Variants in CHCHD3 observed in about 807,000 individuals in gnomAD.
The protein encoded by CHCHD3 is coiled-coil-helix-coiled-coil-helix domain containing 3.
In CHCHD3, 20 loss-of-function variants were observed where a neutral mutation model predicts 38.2. The ratio of observed to expected loss-of-function variants is 0.52; its 90% CI spans 0.37 to 0.76. The LOEUF is 0.76. CHCHD3 is among the 30% of genes least tolerant of loss of function. The pLI is 0.00. For synonymous variants in CHCHD3, 82 were observed against 100.0 expected (o/e 0.82, Z 1.07); for missense variants, 245 against 279.2 (o/e 0.88, Z 0.87).
chr7:132,985,375 T>TG (rs536416069), intron 3 of CHCHD3, among the ~76,000 whole-genome samples: 3,913 of 59,560 alleles, frequency 0.066, 966 homozygotes, highest in South Asian at 0.11. Context: ...GGGAAGGAGG[T>TG]GGGGGGGTCA....
chr7:132,900,802 C>A (rs369759168), intron 4 of CHCHD3, among the ~76,000 whole-genome samples: 2 of 152,078 alleles, frequency 1.3e-5, no homozygotes, highest in African/African-American at 4.8e-5. Flanking sequence ...ACCGGCCTGA[C>A]CAATATGGTG....
At chr7:132,893,098 C>A (rs1253195850) in intron 4 of CHCHD3, among the ~76,000 whole-genome samples, 1 of 152,182 alleles carries the variant, frequency 6.6e-6, no homozygotes, top group African/African-American at 2.4e-5. Context: ...TTGCACAGTG[C>A]ACCTGGAAAC....
chr7:132,908,091 A>C (rs1220175001), intron 4 of CHCHD3, among the ~76,000 whole-genome samples: 1 of 152,210 alleles, frequency 6.6e-6, no homozygotes, highest in Non-Finnish European at 1.5e-5. Context: ...TCTAACATAA[A>C]ATTAATTAAT....
intron 3 of CHCHD3, among the ~76,000 whole-genome samples, chr7:132,987,432 T>G (rs6967168): frequency 0.21 from 31,678 of 152,134 alleles, 3,576 homozygotes; most frequent in South Asian, 0.26. Context: ...ATTGTGAATA[T>G]AACCAAAAAA....
intron 3 of CHCHD3, among the ~76,000 whole-genome samples, chr7:132,981,367 G>A (rs1811914402): frequency 6.6e-6 from 1 of 152,056 alleles, no homozygotes; most frequent in South Asian, 2.1e-4. Flanking sequence ...TGTGAAAGAT[G>A]GTGATCTGAC....
Position 132,838,446 on chromosome 7 carries a change from G to A in CHCHD3, c.477C>T (p.Thr159=). 6.2e-7 allele frequency: 1 copy of A among 1,612,726 alleles called. No homozygotes were observed. The highest frequency in any genetic ancestry group is 8.5e-7 in the Non-Finnish European group (1 of 1,179,108). ...CAGCAGCTTTCTGATATTGTTCAGT[G>A]GTGACTCTGTAGAACTCTGAGCTCT... ...EERSSEFYRV[T]TEQYQKAAEE... is the part of the protein sequence containing the mutation. Residue 159 remains threonine, a synonymous_variant, in exon 6 of 8, where the codon ACC becomes ACT. Coordinates refer to ENST00000262570, the MANE Select transcript of CHCHD3 (RefSeq NM_017812.4).
At chr7:133,007,768 TC>T (rs1334256526) in intron 3 of CHCHD3, among the ~76,000 whole-genome samples, 10 of 152,210 alleles carry the variant, frequency 6.6e-5, no homozygotes, top group African/African-American at 2.2e-4. Context: ...TTTGAAAATG[TC>T]CTCTAATTCA....
intron 5 of CHCHD3, chr7:132,847,448 G>A (rs1808104328): frequency 6.6e-6 from 1 of 152,160 alleles, no homozygotes; most frequent in South Asian, 2.1e-4. Flanking sequence ...AACTAATTTG[G>A]GGTATGGGGG....
intron 3 of CHCHD3, among the ~76,000 whole-genome samples, chr7:132,990,097 C>T (rs188071777): frequency 2.0e-5 from 3 of 152,158 alleles, no homozygotes; most frequent in Admixed American, 2.0e-4. Flanking sequence ...CTCTTGAACC[C>T]AGGAGGCAGA....
intron 4 of CHCHD3, among the ~76,000 whole-genome samples, chr7:132,938,079 T>G (rs1006814673): frequency 6.6e-6 from 1 of 152,216 alleles, no homozygotes; most frequent in African/African-American, 2.4e-5. Context: ...CAACAACTTA[T>G]GAAAATTTAT....
chr7:133,032,663 C>T (rs1196067386), intron 2 of CHCHD3, among the ~76,000 whole-genome samples: 1 of 151,978 alleles, frequency 6.6e-6, no homozygotes, highest in Non-Finnish European at 1.5e-5. Context: ...GAGATAAGCT[C>T]GTAATTCATA....
chr7:132,874,227 T>C (rs1001759042), intron 5 of CHCHD3, among the ~76,000 whole-genome samples: 2 of 152,216 alleles, frequency 1.3e-5, no homozygotes, highest in African/African-American at 4.8e-5. Context: ...GTGGTGATCA[T>C]GCCATTCTCT....
chr7:132,894,938 A>C (rs1205755462), intron 4 of CHCHD3, among the ~76,000 whole-genome samples: 1 of 152,234 alleles, frequency 6.6e-6, no homozygotes, highest in Non-Finnish European at 1.5e-5. Context: ...AAGCTCAAAA[A>C]GTAGGAGGCT....
intron 5 of CHCHD3, among the ~76,000 whole-genome samples, chr7:132,877,166 C>T (rs762246844): frequency 6.6e-6 from 1 of 152,024 alleles, no homozygotes; most frequent in Non-Finnish European, 1.5e-5. Flanking sequence ...TAACAGCTCA[C>T]CCTAGAAAAA....
chr7:132,906,450 T>C (rs1181370561), intron 4 of CHCHD3, among the ~76,000 whole-genome samples: 4 of 152,156 alleles, frequency 2.6e-5, no homozygotes, highest in African/African-American at 9.6e-5. Context: ...AAGATGAGCA[T>C]TGAGTACCAT....
At chr7:133,069,696 A>G (rs989733908) in intron 2 of CHCHD3, among the ~76,000 whole-genome samples, 11 of 152,258 alleles carry the variant, frequency 7.2e-5, no homozygotes. Context: ...ATCAATAACT[A>G]AGACTGACTG....
rs113853095 is a variant in CHCHD3, at chr7:133,063,467, C to T, written c.169+6675G>A. On this transcript the variant is annotated intron_variant, in intron 2 of 7. Coordinates refer to ENST00000262570, the MANE Select transcript of CHCHD3 (RefSeq NM_017812.4). ...CCCTGCTCAGAACTCATCTGTTACA[C>T]CCTAGCCTGCCATGCTGTCTCACGC... 6.5e-3 allele frequency among the ~76,000 whole-genome samples: 997 copies of T among 152,298 alleles called. 8 individuals carry two copies. The highest frequency in any genetic ancestry group is 0.031 in the Middle Eastern group (9 of 294).
intron 6 of CHCHD3, 94 bp from the exon 7 acceptor site, chr7:132,796,671 G>T: frequency 1.8e-6 from 2 of 1,100,650 alleles, no homozygotes; most frequent in Non-Finnish European, 1.3e-6. Context: ...GTAAGACACA[G>T]ATGTTGCAAA....
chr7:133,021,887 C>T (rs1163933790), intron 3 of CHCHD3, among the ~76,000 whole-genome samples: 1 of 152,046 alleles, frequency 6.6e-6, no homozygotes, highest in Non-Finnish European at 1.5e-5. Flanking sequence ...AAGTTCAAGA[C>T]CAGCCTGGCC....
Sources: gnomAD v4.1 joint callset for allele counts (sites outside exome capture counted in the v4.1 genomes callset) on GRCh38, gnomAD v4.1.1 for gene constraint, MANE v1.5 for transcripts, NCBI Gene and HGNC (gene_info 2026-07-23, HGNC 2026-07-21) for gene names.